AADAT: variants seen among roughly 807,000 people sequenced by gnomAD.
AADAT encodes kynurenine/alpha-aminoadipate aminotransferase, mitochondrial.
In AADAT, 25 loss-of-function variants were observed where a neutral mutation model predicts 56.2. That is an observed-to-expected ratio of 0.44 (90% CI 0.32 to 0.62). The LOEUF (loss-of-function observed/expected upper bound fraction) is 0.62. Among genes scored for constraint, AADAT ranks in the 20% least tolerant of loss-of-function variants. The probability of loss-of-function intolerance (pLI) is 0.04; values close to 1 mark genes in which losing one functional copy is unlikely to be tolerated. For synonymous variants in AADAT, 173 were observed against 164.7 expected (o/e 1.05, Z -0.39); for missense variants, 387 against 510.5 (o/e 0.76, Z 2.33).
In AADAT at chr4:170,089,792, A is replaced by G; in HGVS notation, c.-102T>C. 1 of 1,211,850 alleles carries G rather than the reference A, an allele frequency of 8.3e-7. No homozygotes were observed. The highest frequency in any genetic ancestry group is 1.2e-6 in the Non-Finnish European group (1 of 844,936). 75.1% of individuals were successfully genotyped at this position (1,211,850 alleles called of 1,614,324 possible). On this transcript the variant is annotated 5_prime_UTR_variant, in exon 1 of 13. Transcript: ENST00000337664. ...TGCCTGCTAACTCCTCACTCTGGCAACGCCACCGCGAGATGTGTCCCCCCG... is the reference window on the plus strand; with the variant it reads ...TGCCTGCTAACTCCTCACTCTGGCAGCGCCACCGCGAGATGTGTCCCCCCG...
At chr4:170,079,785 G>A (rs147360972) in intron 3 of AADAT, among the ~76,000 whole-genome samples, 44 of 152,256 alleles carry the variant, frequency 2.9e-4, no homozygotes, top group Admixed American at 5.9e-4. Context: ...AGGATGATTT[G>A]TTTTAGTGTG....
At chr4:170,092,462 C>T (rs1458112478), upstream of AADAT, among the ~76,000 whole-genome samples, 1 of 152,200 alleles carries the variant, frequency 6.6e-6, no homozygotes, top group Non-Finnish European at 1.5e-5. Flanking sequence ...CCAACACATC[C>T]GAACCTCAGA....
At chr4:170,066,887 T>C (rs11728468) in intron 9 of AADAT, among the ~76,000 whole-genome samples, 9,191 of 152,266 alleles carry the variant, frequency 0.06, 380 homozygotes, top group Non-Finnish European at 0.091. Flanking sequence ...GGAGGTACCA[T>C]ATTTACACAG....
chr4:170,092,322 C>T (rs112647414), upstream of AADAT, among the ~76,000 whole-genome samples: 806 of 152,328 alleles, frequency 5.3e-3, 7 homozygotes, highest in African/African-American at 0.018. Flanking sequence ...GCCGTGGAGA[C>T]CACGCACCCA....
rs369279778 is a variant in AADAT, at chr4:170,075,148, T to C, written c.445-1803A>G. On this transcript the variant is annotated intron_variant, in intron 4 of 12. Transcript: ENST00000337664. ...CAGTTTCTGTTTTTCTGTTTGGGTA[T>C]GTGAAAACATTTGTGCGTGTGTATA... is the stretch of plus-strand genomic sequence containing the variant. Among the ~76,000 whole-genome samples, 136 of 152,336 alleles carry C rather than the reference T, an allele frequency of 8.9e-4. 2 individuals are homozygous for C. In the South Asian group the frequency reaches 0.026, roughly 29 times the overall value.
At chr4:170,090,781 T>C (rs13117677), upstream of AADAT, among the ~76,000 whole-genome samples, 21,974 of 152,126 alleles carry the variant, frequency 0.14, 1,946 homozygotes, top group East Asian at 0.29. Flanking sequence ...TGTGAGCACT[T>C]AATGAGGGAA....
chr4:170,080,059 T>C (rs1225858292), intron 3 of AADAT, among the ~76,000 whole-genome samples: 2 of 152,082 alleles, frequency 1.3e-5, no homozygotes, highest in African/African-American at 2.4e-5. Flanking sequence ...CTGAGAGAGC[T>C]AGAGGAGGAC....
intron 4 of AADAT, 36 bp from the exon 5 acceptor site, chr4:170,073,381 A>T: frequency 6.4e-7 from 1 of 1,555,856 alleles, no homozygotes; most frequent in Non-Finnish European, 8.7e-7. Context: ...GTCAGTCATG[A>T]TTACAAATGT....
upstream of AADAT, among the ~76,000 whole-genome samples, chr4:170,093,386 A>T (rs890321438): frequency 6.6e-6 from 1 of 152,108 alleles, no homozygotes; most frequent in Non-Finnish European, 1.5e-5. Flanking sequence ...GCTGAAGCCG[A>T]GATCACGCCA....
At chr4:170,071,181 G>A (rs1183611678) in intron 5 of AADAT, among the ~76,000 whole-genome samples, 1 of 152,218 alleles carries the variant, frequency 6.6e-6, no homozygotes, top group Non-Finnish European at 1.5e-5. Context: ...CCAAAGTGCT[G>A]GGATTACAGG....
chr4:170,070,577 A>G lies in AADAT; in HGVS notation c.720+10T>C. On this transcript the variant is annotated intron_variant, in intron 6 of 12. Coordinates refer to ENST00000337664, the MANE Select transcript of AADAT (RefSeq NM_016228.4). ...TTCTAATAGTGAAGTAAGTTCACAT[A>G]ATCACTTACCTTGTTAAACTGGAGA... 6.4e-7 allele frequency: 1 copy of G among 1,566,582 alleles called. No individual in the cohort carries two copies. Among genetic ancestry groups the G allele is most frequent in the Non-Finnish European group, 8.8e-7 (1 of 1,142,760 alleles).
intron 2 of AADAT, among the ~76,000 whole-genome samples, 157 bp from the exon 3 acceptor site, chr4:170,087,405 G>T (rs894719480): frequency 6.6e-6 from 1 of 152,178 alleles, no homozygotes. Context: ...CTATTTAAAA[G>T]ATAGGCAGTA....
chr4:170,088,707 C>T, intron 1 of AADAT, 143 bp from the exon 2 acceptor site: 1 of 829,690 alleles, frequency 1.2e-6, no homozygotes, highest in Non-Finnish European at 1.8e-6. Context: ...GTTGGTGCTC[C>T]CCCAGATTCA....
At chr4:170,075,968 A>C (rs889059021) in intron 4 of AADAT, among the ~76,000 whole-genome samples, 1 of 152,218 alleles carries the variant, frequency 6.6e-6, no homozygotes, top group African/African-American at 2.4e-5. Context: ...TGTATATACC[A>C]CATTTTATTT....
chr4:170,089,630 T>G lies in AADAT; in HGVS notation c.61A>C (p.Thr21Pro). The G allele has an allele frequency of 3.7e-6, 6 of 1,614,154 alleles. No homozygotes were observed. Among genetic ancestry groups the G allele is most frequent in the Non-Finnish European group, 5.1e-6 (6 of 1,180,026 alleles). The change falls in exon 1 of 13, where the codon ACC (threonine) becomes CCC (proline). Residue 21 changes from threonine (T) to proline (P), a missense_variant. Thr to Pro is a conservative substitution (Grantham distance 38). Transcript: ENST00000337664. ...SAARNPSPIR[T>P]MTDILSRGPK... ...TGGTCACCCCGTTTCTCACTCATGGTCCGGATGGGAGAAGGGTTTCTGGCT... is the reference window on the plus strand; with the variant it reads ...TGGTCACCCCGTTTCTCACTCATGGGCCGGATGGGAGAAGGGTTTCTGGCT...
At chr4:170,066,526 A>G (rs1561012054) in intron 9 of AADAT, 48 bp from the exon 10 acceptor site, 6 of 1,411,432 alleles carry the variant, frequency 4.3e-6, no homozygotes, top group Non-Finnish European at 5.0e-6. Flanking sequence ...CATTGATTGC[A>G]GAAGCAAAAC....
At chr4:170,063,102 T>C (rs978374902) in intron 11 of AADAT, among the ~76,000 whole-genome samples, 4 of 152,188 alleles carry the variant, frequency 2.6e-5, no homozygotes, top group Non-Finnish European at 4.4e-5. Context: ...TTTGGAGTAC[T>C]CTGGGCAAAA....
rs760035183 is a variant in AADAT at position 170,087,152 on chromosome 4, T to C, written c.333A>G (p.Leu111=). The C allele has an allele frequency of 2.2e-5, 35 of 1,614,122 alleles. No individual in the cohort carries two copies. The highest frequency in any genetic ancestry group is 5.3e-5 in the African/African-American group (4 of 75,060). The change falls in exon 3 of 13, where the codon CTA becomes CTG. Residue 111 remains leucine, a synonymous_variant. Coordinates refer to ENST00000337664, the MANE Select transcript of AADAT (RefSeq NM_016228.4). ...CTTGTTGGCTGCCAGATGTGACACA[T>C]AGATCCATTTGTCCTTGACTGGGTG... ...HYPPSQGQMD[L]CVTSGSQQGL...
chr4:170,093,005 C>T (rs910570040), upstream of AADAT, among the ~76,000 whole-genome samples: 2 of 152,120 alleles, frequency 1.3e-5, no homozygotes, highest in Admixed American at 6.5e-5. Flanking sequence ...CCGGAAACAT[C>T]TAAATAAGGT....
Sources: gnomAD v4.1 joint callset for allele counts (sites outside exome capture counted in the v4.1 genomes callset) on GRCh38, gnomAD v4.1.1 for gene constraint, MANE v1.5 for transcripts, NCBI Gene and HGNC (gene_info 2026-07-23, HGNC 2026-07-21) for gene names.